Variants in TAS2R1 observed in about 807,000 individuals in gnomAD.
The protein encoded by TAS2R1 is taste receptor type 2 member 1.
For synonymous variants in TAS2R1, 141 were observed against 134.2 expected (o/e 1.05, Z -0.35); for missense variants, 370 against 353.4 (o/e 1.05, Z -0.38).
chr5:9,894,543 AACCAAACCT>A, the TAS2R1 span, among the ~76,000 whole-genome samples: 1 of 152,154 alleles, frequency 6.6e-6, no homozygotes, highest in Non-Finnish European at 1.5e-5. Context: ...CCTCAGAAAA[AACCAAACCT>A]GCAGACACCT....
At chr5:9,764,660 T>A in the TAS2R1 span, among the ~76,000 whole-genome samples, 2 of 152,146 alleles carry the variant, frequency 1.3e-5, no homozygotes, top group African/African-American at 4.8e-5. Flanking sequence ...CAGGAAAACA[T>A]CAGCTCATTC....
At chr5:9,900,769 T>G in the TAS2R1 span, among the ~76,000 whole-genome samples, 6 of 152,096 alleles carry the variant, frequency 3.9e-5, no homozygotes, top group Non-Finnish European at 8.8e-5. Context: ...TACAGGCACC[T>G]GCCACCATGC....
the TAS2R1 span, among the ~76,000 whole-genome samples, chr5:9,875,524 G>A: frequency 6.6e-6 from 1 of 152,204 alleles, no homozygotes; most frequent in African/African-American, 2.4e-5. Flanking sequence ...GCGGATCTGT[G>A]TTCCCACAGG....
At chr5:9,634,781 G>A (rs902903494), upstream of TAS2R1, among the ~76,000 whole-genome samples, 11 of 151,936 alleles carry the variant, frequency 7.2e-5, no homozygotes, top group African/African-American at 2.4e-4. Flanking sequence ...CTACTGATTT[G>A]TGTACACTGA....
the TAS2R1 span, among the ~76,000 whole-genome samples, chr5:9,881,551 A>G: frequency 6.6e-6 from 1 of 152,204 alleles, no homozygotes; most frequent in African/African-American, 2.4e-5. Flanking sequence ...TATAGCCAAG[A>G]CAATCCTAAG....
rs566513151 is a variant in TAS2R1 at position 9,674,302 on chromosome 5, A to C, written c.-241-14721T>G. Among the ~76,000 whole-genome samples the C allele has an allele frequency of 9.8e-5, 15 of 152,328 alleles. No homozygotes were observed. The South Asian group carries it at 2.3e-3, about 23-fold the overall frequency. On this transcript the variant is annotated intron_variant, in intron 1 of 2. Coordinates refer to the TAS2R1 transcript ENST00000506620. ...TGAAATATTTCAAATACTTAAAAAG[A>C]TATGCAGGATATTATGATAAACAAT...
chr5:9,639,239 A>T (rs1740025945), intron 2 of TAS2R1, among the ~76,000 whole-genome samples: 1 of 152,084 alleles, frequency 6.6e-6, no homozygotes, highest in Non-Finnish European at 1.5e-5. Flanking sequence ...ACCCTGTGAG[A>T]TATACTCAAT....
At chr5:9,778,073 G>T in the TAS2R1 span, among the ~76,000 whole-genome samples, 291 of 152,130 alleles carry the variant, frequency 1.9e-3, 1 homozygote, top group South Asian at 6.5e-3. Flanking sequence ...GTAGAGACAG[G>T]GTTTCACCTT....
intron 1 of TAS2R1, among the ~76,000 whole-genome samples, chr5:9,697,964 A>G (rs1741396882): frequency 6.6e-6 from 1 of 152,092 alleles, no homozygotes. Context: ...TTTAAAATCC[A>G]GGAAAATTAT....
chr5:9,671,748 C>G (rs1364803619), intron 1 of TAS2R1, among the ~76,000 whole-genome samples: 1 of 152,050 alleles, frequency 6.6e-6, no homozygotes, highest in African/African-American at 2.4e-5. Flanking sequence ...CTATTCCTAT[C>G]AAACTACCAG....
At chr5:9,765,676 C>T in the TAS2R1 span, 1 of 151,744 alleles carries the variant, frequency 6.6e-6, no homozygotes, top group African/African-American at 2.4e-5. Context: ...ACAGAAAGTC[C>T]TAAAGACATG....
chr5:9,646,458 T>TTCCAAG (rs1426812450), intron 2 of TAS2R1, among the ~76,000 whole-genome samples: 4 of 152,174 alleles, frequency 2.6e-5, no homozygotes, highest in Admixed American at 6.5e-5. Flanking sequence ...AACCATTGGA[T>TTCCAAG]TGGACACATG....
chr5:9,709,969 T>TA (rs755668420), intron 1 of TAS2R1, among the ~76,000 whole-genome samples: 4 of 152,274 alleles, frequency 2.6e-5, no homozygotes, highest in Non-Finnish European at 5.9e-5. Flanking sequence ...CTCTACCACT[T>TA]ACAGCAGAGG....
intron 1 of TAS2R1, among the ~76,000 whole-genome samples, chr5:9,693,620 G>T (rs896198171): frequency 7.0e-6 from 1 of 142,184 alleles, no homozygotes; most frequent in Admixed American, 7.1e-5. Context: ...CCTCAAGTCT[G>T]TTTTTTTTTT....
chr5:9,855,266 C>T, the TAS2R1 span, among the ~76,000 whole-genome samples: 1 of 152,218 alleles, frequency 6.6e-6, no homozygotes, highest in African/African-American at 2.4e-5. Context: ...ATTGCTCAGG[C>T]ACTGGGAGCC....
At chr5:9,753,048 C>T in the TAS2R1 span, among the ~76,000 whole-genome samples, 4 of 152,256 alleles carry the variant, frequency 2.6e-5, no homozygotes, top group African/African-American at 7.2e-5. Flanking sequence ...ATTTATAATC[C>T]TTTGGGTATA....
chr5:9,729,717 G>A, the TAS2R1 span, among the ~76,000 whole-genome samples: 1 of 152,176 alleles, frequency 6.6e-6, no homozygotes, highest in Non-Finnish European at 1.5e-5. Flanking sequence ...TTTAAATGTT[G>A]TTTTAAAGTC....
At chr5:9,792,698 C>G in the TAS2R1 span, among the ~76,000 whole-genome samples, 1 of 152,026 alleles carries the variant, frequency 6.6e-6, no homozygotes, top group African/African-American at 2.4e-5. Context: ...AACATGGCAG[C>G]GATCATTAAT....
intron 2 of TAS2R1, among the ~76,000 whole-genome samples, chr5:9,657,424 C>A (rs559434500): frequency 1.3e-5 from 2 of 152,318 alleles, no homozygotes; most frequent in East Asian, 3.9e-4. Context: ...ATACCGAGCT[C>A]TGATTGCTTT....
Sources: allele counts gnomAD v4.1 joint callset (sites outside exome capture counted in the v4.1 genomes callset), GRCh38; gene constraint gnomAD v4.1.1; transcripts MANE v1.5; gene names NCBI Gene and HGNC (gene_info 2026-07-23, HGNC 2026-07-21).